The following CSMD3 variants were observed in gnomAD, a reference collection of about 807,000 sequenced individuals.
The protein encoded by CSMD3 is CUB and sushi domain-containing protein 3.
CSMD3 carries 177 observed loss-of-function variants against 435.2 expected under a neutral mutation model. That is an observed-to-expected ratio of 0.41 (90% CI 0.36 to 0.46). The LOEUF is 0.46. Among genes scored for constraint, CSMD3 ranks in the 20% least tolerant of loss-of-function variants. The pLI, the probability that CSMD3 is intolerant of heterozygous loss-of-function variation, is 0.34. For synonymous variants in CSMD3, 1,656 were observed against 1,520.5 expected (o/e 1.09, Z -2.07); for missense variants, 4,265 against 4,504.6 (o/e 0.95, Z 1.52).
chr8:112,234,295 T>C (rs1174067093), intron 68 of CSMD3, 70 bp downstream of exon 68: 1 of 959,334 alleles, frequency 1.0e-6, no homozygotes, highest in South Asian at 1.3e-5. Flanking sequence ...TTTAGAAAAC[T>C]CTCCTTTCCT....
intron 9 of CSMD3, among the ~76,000 whole-genome samples, chr8:112,923,781 T>G (rs191728829): frequency 6.6e-6 from 1 of 152,184 alleles, no homozygotes; most frequent in Non-Finnish European, 1.5e-5. Flanking sequence ...AGTTTATGTA[T>G]AGATTTTAAA....
chr8:113,006,727 G>A (rs2086071070), intron 6 of CSMD3, among the ~76,000 whole-genome samples: 1 of 151,884 alleles, frequency 6.6e-6, no homozygotes, highest in Admixed American at 6.6e-5. Flanking sequence ...AGGTCATTTG[G>A]GGTCTATCCA....
chr8:112,231,496 T>C (rs754443136), intron 69 of CSMD3, 49 bp downstream of exon 69: 1 of 1,110,070 alleles, frequency 9.0e-7, no homozygotes, highest in Non-Finnish European at 1.4e-6. Flanking sequence ...TTTTTTATGA[T>C]GTCTGGGATA....
At chr8:112,448,246 C>A (rs190292039) in intron 32 of CSMD3, among the ~76,000 whole-genome samples, 1 of 152,218 alleles carries the variant, frequency 6.6e-6, no homozygotes, top group East Asian at 1.9e-4. Flanking sequence ...TTCATAAGAG[C>A]ACCAGTTCTA....
At chr8:112,470,663 C>A (rs1010074362) in intron 32 of CSMD3, among the ~76,000 whole-genome samples, 1 of 151,898 alleles carries the variant, frequency 6.6e-6, no homozygotes, top group African/African-American at 2.4e-5. Flanking sequence ...ATCTCATTTA[C>A]TGCTCACATC....
intron 13 of CSMD3, among the ~76,000 whole-genome samples, chr8:112,697,349 T>C (rs1461669658): frequency 6.6e-6 from 1 of 152,166 alleles, no homozygotes; most frequent in African/African-American, 2.4e-5. Context: ...AATGATAGAC[T>C]GGGTTAAGAA....
chr8:112,596,194 A>C (rs1831699509), intron 22 of CSMD3, among the ~76,000 whole-genome samples: 1 of 150,298 alleles, frequency 6.7e-6, no homozygotes, highest in African/African-American at 2.4e-5. Flanking sequence ...TTGGAAAACA[A>C]AAAAAGGCAG....
At chr8:112,548,249 C>T (rs79281698) in intron 27 of CSMD3, among the ~76,000 whole-genome samples, 330 of 152,228 alleles carry the variant, frequency 2.2e-3, no homozygotes, top group Middle Eastern at 3.4e-3. Context: ...TTTCTTCTCA[C>T]GGTTTCACTC....
intron 2 of CSMD3, among the ~76,000 whole-genome samples, chr8:113,305,174 A>AT (rs2093809524): frequency 7.3e-6 from 1 of 137,520 alleles, no homozygotes; most frequent in South Asian, 2.6e-4. Flanking sequence ...GGGGGGAGGG[A>AT]TAGCATTGGG....
At chr8:112,849,567 T>C (rs1286364510) in intron 11 of CSMD3, among the ~76,000 whole-genome samples, 1 of 151,912 alleles carries the variant, frequency 6.6e-6, no homozygotes, top group African/African-American at 2.4e-5. Context: ...CAACCAGATA[T>C]GGATAAAAAT....
intron 10 of CSMD3, among the ~76,000 whole-genome samples, chr8:112,902,870 G>T (rs1391719963): frequency 6.6e-6 from 1 of 151,248 alleles, no homozygotes; most frequent in Non-Finnish European, 1.5e-5. Flanking sequence ...ATTGAGAGTT[G>T]TTGAGAGTTG....
At chr8:112,934,321 C>T (rs1038392600) in intron 9 of CSMD3, among the ~76,000 whole-genome samples, 3 of 152,068 alleles carry the variant, frequency 2.0e-5, no homozygotes, top group Non-Finnish European at 2.9e-5. Context: ...CCCTCTATTC[C>T]TTACTGGCTA....
intron 3 of CSMD3, among the ~76,000 whole-genome samples, chr8:113,243,261 T>C (rs2093239550): frequency 6.6e-6 from 1 of 152,026 alleles, no homozygotes; most frequent in African/African-American, 2.4e-5. Flanking sequence ...TACTAAACTT[T>C]GCCCTTTTAA....
At chr8:113,198,538 C>A (rs1588258527) in intron 3 of CSMD3, among the ~76,000 whole-genome samples, 2 of 151,160 alleles carry the variant, frequency 1.3e-5, no homozygotes, top group Admixed American at 1.3e-4. Context: ...AATATCCTTT[C>A]TTTTCCTTCC....
At chr8:113,041,817 A>C (rs2087631297) in intron 5 of CSMD3, among the ~76,000 whole-genome samples, 5 of 152,100 alleles carry the variant, frequency 3.3e-5, no homozygotes, top group Admixed American at 3.3e-4. Flanking sequence ...CTCCTACGAT[A>C]TACTTTTGCT....
intron 32 of CSMD3, among the ~76,000 whole-genome samples, chr8:112,433,654 CAAAAAAAAAA>C: frequency 1.1e-5 from 1 of 93,182 alleles, no homozygotes; most frequent in Admixed American, 1.4e-4. Context: ...GAGAACCTGT[CAAAAAAAAAA>C]AAAAAAAAGA....
At chr8:112,629,699 G>A (rs1165528350) in intron 22 of CSMD3, among the ~76,000 whole-genome samples, 2 of 152,136 alleles carry the variant, frequency 1.3e-5, no homozygotes, top group African/African-American at 4.8e-5. Flanking sequence ...GTCAAACTTA[G>A]TGTTTTACGC....
intron 16 of CSMD3, among the ~76,000 whole-genome samples, chr8:112,681,105 G>A (rs1234648496): frequency 4.6e-5 from 7 of 150,792 alleles, no homozygotes; most frequent in Non-Finnish European, 1.0e-4. Context: ...CGCGATCTCA[G>A]CTCACTGCAA....
At chr8:113,195,791 T>TTATATATATATATATATATA (rs749886578) in intron 3 of CSMD3, among the ~76,000 whole-genome samples, 12 of 126,010 alleles carry the variant, frequency 9.5e-5, no homozygotes, top group African/African-American at 3.4e-4. Context: ...ATCCTATATT[T>TTATATATATATATATATATA]TATATATATA....
Sources: gnomAD v4.1 joint callset for allele counts (sites outside exome capture counted in the v4.1 genomes callset) on GRCh38, gnomAD v4.1.1 for gene constraint, MANE v1.5 for transcripts, NCBI Gene and HGNC (gene_info 2026-07-23, HGNC 2026-07-21) for gene names.